Variants in FBLN2 observed in about 807,000 individuals in gnomAD.
FBLN2 encodes the protein fibulin-2.
FBLN2 carries 81 observed loss-of-function variants against 123.7 expected under a neutral mutation model. The observed-to-expected ratio is 0.65, with a 90% CI of 0.55 to 0.79. FBLN2 has a LOEUF of 0.79. Ranked by LOEUF, FBLN2 falls within the 30% of genes least tolerant of loss-of-function variation. The probability of loss-of-function intolerance (pLI) is 0.00; values close to 1 mark genes in which losing one functional copy is unlikely to be tolerated. For missense variants in FBLN2, 1,603 were observed against 1,681.3 expected, an observed-to-expected ratio of 0.95 and a Z score of 0.81; for synonymous variants, 699 against 701.4, an observed-to-expected ratio of 1.00 and a Z score of 0.05.
In FBLN2 at chr3:13,570,551, G is replaced by A. The variant is rs769531977; in HGVS notation, c.196G>A (p.Glu66Lys). ...GTGTGTGCAGCAGGGCTGCGCCTGCGAGGGCTACCAGTACTATGACTGCCT... is the reference window on the plus strand; with the variant it reads ...GTGTGTGCAGCAGGGCTGCGCCTGCAAGGGCTACCAGTACTATGACTGCCT... ...ATCVQQGCAC[E>K]GYQYYDCLQG... Residue 66 changes from glutamate to lysine, a missense_variant, in exon 2 of 18, where the codon GAG becomes AAG. Glu to Lys is a moderately conservative substitution (Grantham distance 56, BLOSUM62 1). Coordinates refer to ENST00000404922, the MANE Select transcript of FBLN2 (RefSeq NM_001004019.2). 2.6e-5 allele frequency: 41 copies of A among 1,590,364 alleles called. No individual in the cohort carries two copies. The highest frequency in any genetic ancestry group is 1.4e-4 in the East Asian group (6 of 43,796).
At chr3:13,621,503 G>T (rs1044866781) in intron 8 of FBLN2, among the ~76,000 whole-genome samples, 7 of 152,104 alleles carry the variant, frequency 4.6e-5, no homozygotes, top group Non-Finnish European at 1.0e-4. Flanking sequence ...GAGTGCGTAC[G>T]GGAGGCAGCC....
At position 13,636,447 on chromosome 3, in the gene FBLN2, G is replaced by A. The variant is rs201801470; in HGVS notation, c.3217G>A (p.Val1073Met). 2.4e-5 allele frequency: 38 copies of A among 1,613,622 alleles called. No individual in the cohort carries two copies. The highest frequency in any genetic ancestry group is 1.0e-4 in the Admixed American group (6 of 59,970). Residue 1073 changes from valine (V) to methionine (M), a missense_variant and splice_region_variant, in exon 17 of 18, where the codon GTG becomes ATG. By Grantham distance (21) the Val-to-Met change is conservative. Coordinates refer to ENST00000404922, the MANE Select transcript of FBLN2 (RefSeq NM_001004019.2). ...CCATTGCCCCTCTTCTCCCCCAGAC[G>A]TGGATGAGTGTGCACTGGGTACCCA... is the stretch of plus-strand genomic sequence containing the variant. ...MTANGRSCKD[V>M]DECALGTHNC...
intron 2 of FBLN2, among the ~76,000 whole-genome samples, chr3:13,581,860 A>C (rs1704343417): frequency 6.6e-6 from 1 of 152,070 alleles, no homozygotes; most frequent in Non-Finnish European, 1.5e-5. Context: ...TAGGGCGAGG[A>C]AGTGTTGAGC....
intron 8 of FBLN2, 126 bp downstream of exon 8, chr3:13,619,957 G>C (rs906888266): frequency 3.0e-6 from 2 of 657,242 alleles, no homozygotes; most frequent in South Asian, 2.0e-5. Context: ...TGGCTGCTAT[G>C]ATGAGCACCC....
At chr3:13,626,387 G>A (rs1574996344) in intron 9 of FBLN2, 58 bp from the exon 10 acceptor site, 2 of 1,457,018 alleles carry the variant, frequency 1.4e-6, no homozygotes, top group Non-Finnish European at 1.8e-6. Flanking sequence ...TCTGCTGGCT[G>A]CACTCAGCCA....
At chr3:13,614,782 TATCCATCCATCCATCCATCCCTC>T (rs1159999218) in intron 5 of FBLN2, among the ~76,000 whole-genome samples, 2 of 149,570 alleles carry the variant, frequency 1.3e-5, no homozygotes, top group African/African-American at 5.0e-5. Flanking sequence ...TCCGTTTGTT[TATCCATCCATCCATCCATCCCTC>T]ATCCATCCAT....
chr3:13,602,677 C>G (rs1209012316), intron 2 of FBLN2, among the ~76,000 whole-genome samples: 1 of 152,024 alleles, frequency 6.6e-6, no homozygotes, highest in Non-Finnish European at 1.5e-5. Context: ...GGAATTTTTT[C>G]CTATTAACTT....
chr3:13,580,417 G>A (rs1021798996), intron 2 of FBLN2, among the ~76,000 whole-genome samples: 1 of 152,198 alleles, frequency 6.6e-6, no homozygotes, highest in African/African-American at 2.4e-5. Flanking sequence ...CACCATTGCA[G>A]GAGCCGGGGA....
In FBLN2 at chr3:13,571,704, A is replaced by G. The variant is rs112584164; in HGVS notation, c.1306+43A>G. The stretch of plus-strand genomic sequence containing the variant: ...TTCCTTCAGGGCACTTTGTGTGGGA[A>G]GGGCAGCCTTGGGCTCTGGCCGCTG... On this transcript the variant is annotated intron_variant, in intron 2 of 17. Coordinates refer to ENST00000404922, the MANE Select transcript of FBLN2 (RefSeq NM_001004019.2). 6.2e-3 allele frequency: 9,175 copies of G among 1,488,512 alleles called. 115 individuals are homozygous for G. The highest frequency in any genetic ancestry group is 0.044 in the South Asian group (3,258 of 73,346). 92.2% of individuals were successfully genotyped at this position (1,488,512 alleles called of 1,614,324 possible).
chr3:13,609,140 A>G (rs1183127371), intron 3 of FBLN2, among the ~76,000 whole-genome samples: 1 of 152,164 alleles, frequency 6.6e-6, no homozygotes, highest in East Asian at 1.9e-4. Context: ...AGGCAGCCCA[A>G]CAGTGACTGG....
intron 2 of FBLN2, among the ~76,000 whole-genome samples, chr3:13,596,283 G>A (rs1333099823): frequency 6.6e-6 from 1 of 152,188 alleles, no homozygotes; most frequent in Non-Finnish European, 1.5e-5. Flanking sequence ...GACCACAGGT[G>A]CATGCCACCA....
chr3:13,634,798 G>C (rs35269817), intron 16 of FBLN2, among the ~76,000 whole-genome samples: 1 of 152,092 alleles, frequency 6.6e-6, no homozygotes, highest in African/African-American at 2.4e-5. Context: ...GAGGCGGTCC[G>C]GGGGTATTGA....
At chr3:13,574,255 C>T (rs2124830078) in intron 2 of FBLN2, among the ~76,000 whole-genome samples, 1 of 152,338 alleles carries the variant, frequency 6.6e-6, no homozygotes, top group Middle Eastern at 3.4e-3. Context: ...GGGCCCCTTT[C>T]CTGCCATGCA....
chr3:13,614,285 A>G, intron 5 of FBLN2, 121 bp downstream of exon 5: 1 of 964,468 alleles, frequency 1.0e-6, no homozygotes, highest in Non-Finnish European at 1.5e-6. Flanking sequence ...TGCTCTAAAC[A>G]GAGTTCTGAG....
chr3:13,590,420 G>A (rs1704633215), intron 2 of FBLN2, among the ~76,000 whole-genome samples: 1 of 152,178 alleles, frequency 6.6e-6, no homozygotes, highest in African/African-American at 2.4e-5. Flanking sequence ...CCGCTTCCCA[G>A]GTTCAAGTGA....
Position 13,618,900 on chromosome 3 carries a change from A to G in FBLN2, c.1940-4A>G. ...CAACCCCCACTCTGCTCTACCCATG[A>G]CAGAGGGTCACCCTCCACAGCCGGA... On this transcript the variant is annotated splice_region_variant and splice_polypyrimidine_tract_variant and intron_variant, in intron 6 of 17. Transcript: ENST00000404922. The G allele has an allele frequency of 6.2e-7, 1 of 1,610,590 alleles. No homozygotes were observed. Among genetic ancestry groups the G allele is most frequent in the Non-Finnish European group, 8.5e-7 (1 of 1,178,420 alleles).
intron 8 of FBLN2, among the ~76,000 whole-genome samples, chr3:13,620,924 C>G (rs1705829233): frequency 6.6e-6 from 1 of 152,340 alleles, no homozygotes; most frequent in Admixed American, 6.5e-5. Flanking sequence ...ACCGGCAGGC[C>G]TTCCTCTCCG....
chr3:13,600,665 G>C lies in FBLN2; in HGVS notation c.1307-7397G>C, dbSNP rs533132991. The stretch of plus-strand genomic sequence containing the variant: ...AGTCTTGCTCTTGTCACCCAGGCTG[G>C]AGTGCAGTGGCGCCATCTTGGCTCA... On this transcript the variant is annotated intron_variant, in intron 2 of 17. Coordinates refer to ENST00000404922, the MANE Select transcript of FBLN2 (RefSeq NM_001004019.2). 3.3e-5 allele frequency among the ~76,000 whole-genome samples: 5 copies of C among 150,818 alleles called. 1 individual carries two copies. In the East Asian group the frequency reaches 9.7e-4, roughly 29 times the overall value.
At chr3:13,623,144 C>T (rs535744793) in intron 9 of FBLN2, among the ~76,000 whole-genome samples, 8 of 152,234 alleles carry the variant, frequency 5.3e-5, no homozygotes, top group South Asian at 2.1e-4. Flanking sequence ...GGCCTCTAGC[C>T]GTTGGCACAA....
Sources: gnomAD v4.1 joint callset for allele counts (sites outside exome capture counted in the v4.1 genomes callset) on GRCh38, gnomAD v4.1.1 for gene constraint, MANE v1.5 for transcripts, NCBI Gene and HGNC (gene_info 2026-07-23, HGNC 2026-07-21) for gene names.